The following CTNNA2 variants were observed in gnomAD, a reference collection of about 807,000 sequenced individuals.
CTNNA2 encodes catenin alpha 2.
In CTNNA2, 42 loss-of-function variants were observed where a neutral mutation model predicts 101.0. That is an observed-to-expected ratio of 0.42 (90% CI 0.32 to 0.54). CTNNA2 has a LOEUF of 0.54. CTNNA2 is among the 20% of genes least tolerant of loss of function. CTNNA2 has a pLI of 0.14. For synonymous variants in CTNNA2, 450 were observed against 456.4 expected, an observed-to-expected ratio of 0.99 and a Z score of 0.18; for missense variants, 871 against 1,223.1, an observed-to-expected ratio of 0.71 and a Z score of 4.29.
intron 6 of CTNNA2, among the ~76,000 whole-genome samples, chr2:79,879,128 G>T (rs1683238269): frequency 6.6e-6 from 1 of 152,134 alleles, no homozygotes; most frequent in Non-Finnish European, 1.5e-5. Context: ...TCAGATGGTT[G>T]TAGATGTGTG....
At chr2:79,633,858 A>G (rs960063972) in intron 1 of CTNNA2, 2 of 152,188 alleles carry the variant, frequency 1.3e-5, no homozygotes, top group Admixed American at 6.5e-5. Context: ...AAACCAGTAT[A>G]TGGAAGAGTG....
At chr2:80,560,066 A>AG in intron 12 of CTNNA2, among the ~76,000 whole-genome samples, 2 of 104,506 alleles carry the variant, frequency 1.9e-5, no homozygotes, top group Non-Finnish European at 2.0e-5. Context: ...AAAAAAAAAA[A>AG]AAAAAAGAAA....
chr2:79,989,273 C>A (rs556003), intron 7 of CTNNA2, among the ~76,000 whole-genome samples: 2 of 151,926 alleles, frequency 1.3e-5, no homozygotes, highest in African/African-American at 4.8e-5. Context: ...GTCTCTTAGC[C>A]TGCTCTCGGC....
At chr2:79,644,582 T>C (rs929564183) in intron 1 of CTNNA2, among the ~76,000 whole-genome samples, 1 of 152,194 alleles carries the variant, frequency 6.6e-6, no homozygotes, top group Non-Finnish European at 1.5e-5. Context: ...GGCCCCTGTG[T>C]TGCTCACTAG....
At chr2:79,523,752 A>G (rs536650021) in intron 1 of CTNNA2, among the ~76,000 whole-genome samples, 1 of 152,258 alleles carries the variant, frequency 6.6e-6, no homozygotes, top group Non-Finnish European at 1.5e-5. Context: ...AATACGTGAT[A>G]ATTTTAAACT....
intron 7 of CTNNA2, among the ~76,000 whole-genome samples, chr2:79,987,005 G>C (rs972777328): frequency 6.6e-6 from 1 of 152,212 alleles, no homozygotes; most frequent in Admixed American, 6.5e-5. Context: ...TCTGGGGGTT[G>C]ATTGGGCCTG....
chr2:80,043,379 G>A (rs1292281807), intron 7 of CTNNA2, among the ~76,000 whole-genome samples: 2 of 151,686 alleles, frequency 1.3e-5, no homozygotes, highest in Non-Finnish European at 2.9e-5. Context: ...TGTATTTTTA[G>A]TAGAGACAGC....
At chr2:80,432,907 C>G (rs895638218) in intron 9 of CTNNA2, among the ~76,000 whole-genome samples, 8 of 152,028 alleles carry the variant, frequency 5.3e-5, no homozygotes, top group African/African-American at 1.9e-4. Flanking sequence ...GGATTTCAGG[C>G]TGCCTGTATG....
intron 7 of CTNNA2, among the ~76,000 whole-genome samples, chr2:80,224,015 T>C (rs1708725945): frequency 6.6e-6 from 1 of 152,204 alleles, no homozygotes; most frequent in African/African-American, 2.4e-5. Flanking sequence ...CTCAGTGCTC[T>C]TAGATGGCCC....
intron 4 of CTNNA2, among the ~76,000 whole-genome samples, chr2:79,418,704 G>T (rs1678509387): frequency 6.6e-6 from 1 of 152,078 alleles, no homozygotes. Flanking sequence ...GAAGATTAAA[G>T]AAGGCACTGT....
At chr2:79,428,738 T>G (rs1678619249) in intron 4 of CTNNA2, among the ~76,000 whole-genome samples, 1 of 152,024 alleles carries the variant, frequency 6.6e-6, no homozygotes, top group Non-Finnish European at 1.5e-5. Context: ...ACATATCCAA[T>G]AAATCTGTTT....
intron 9 of CTNNA2, among the ~76,000 whole-genome samples, chr2:80,535,650 A>G (rs2149604516): frequency 6.6e-6 from 1 of 152,276 alleles, no homozygotes; most frequent in South Asian, 2.1e-4. Flanking sequence ...GATGCCTTAT[A>G]GAGGTCATTT....
chr2:79,482,753 G>T (rs1380913441), intron 4 of CTNNA2, among the ~76,000 whole-genome samples: 3 of 152,192 alleles, frequency 2.0e-5, no homozygotes, highest in Non-Finnish European at 4.4e-5. Context: ...TGCAGACAGT[G>T]AGGAAGAGAG....
At chr2:80,199,182 G>GA (rs70940076) in intron 7 of CTNNA2, among the ~76,000 whole-genome samples, 5,643 of 40,128 alleles carry the variant, frequency 0.14, 1,439 homozygotes, top group South Asian at 0.22. Context: ...CTCCATCTCA[G>GA]AAAAAAAAAA....
chr2:79,996,294 G>A (rs1692538965), intron 7 of CTNNA2, among the ~76,000 whole-genome samples: 2 of 152,152 alleles, frequency 1.3e-5, no homozygotes, highest in South Asian at 4.1e-4. Context: ...GGCATAAACA[G>A]CATCCTAGTG....
At chr2:80,578,313 T>A (rs994844283) in intron 13 of CTNNA2, among the ~76,000 whole-genome samples, 1 of 152,140 alleles carries the variant, frequency 6.6e-6, no homozygotes, top group Non-Finnish European at 1.5e-5. Context: ...AAAGAGCACA[T>A]AGAACTTTCA....
At chr2:80,537,076 C>G (rs540131297) in intron 9 of CTNNA2, among the ~76,000 whole-genome samples, 4 of 152,102 alleles carry the variant, frequency 2.6e-5, no homozygotes, top group Non-Finnish European at 4.4e-5. Context: ...CCTCCCCTTG[C>G]ATCCCACCCC....
chr2:80,105,373 G>A (rs1057418527), intron 7 of CTNNA2, among the ~76,000 whole-genome samples: 15 of 152,210 alleles, frequency 9.9e-5, no homozygotes, highest in Non-Finnish European at 5.9e-5. Flanking sequence ...ACCAGAAGTT[G>A]AGAATTGCCT....
chr2:79,512,202 A>C (rs913384655), upstream of CTNNA2, among the ~76,000 whole-genome samples: 2 of 152,176 alleles, frequency 1.3e-5, no homozygotes, highest in Non-Finnish European at 2.9e-5. Flanking sequence ...ACTACAGTAT[A>C]ACCTCTCAGA....
Sources: allele counts gnomAD v4.1 joint callset (sites outside exome capture counted in the v4.1 genomes callset), GRCh38; gene constraint gnomAD v4.1.1; transcripts MANE v1.5; gene names NCBI Gene and HGNC (gene_info 2026-07-23, HGNC 2026-07-21).